The following ZNF341 variants were observed in gnomAD, a reference collection of about 807,000 sequenced individuals.
ZNF341 encodes zinc finger protein 341.
A neutral mutation model predicts 87.7 loss-of-function variants in ZNF341; 52 were observed. That is an observed-to-expected ratio of 0.59 (90% CI 0.47 to 0.75). The LOEUF (loss-of-function observed/expected upper bound fraction) is 0.75, where lower values mean the gene tolerates loss of function less well. Ranked by LOEUF, ZNF341 falls within the 30% of genes least tolerant of loss-of-function variation. The pLI, the probability that ZNF341 is intolerant of heterozygous loss-of-function variation, is 0.00. For missense variants in ZNF341, 977 were observed against 1,145.9 expected, an observed-to-expected ratio of 0.85 and a Z score of 2.13; for synonymous variants, 459 against 472.7, an observed-to-expected ratio of 0.97 and a Z score of 0.38.
intron 1 of ZNF341, 70 bp from the exon 2 acceptor site, chr20:33,740,832 G>A (rs1198464833): frequency 1.4e-6 from 2 of 1,454,538 alleles, no homozygotes; most frequent in Non-Finnish European, 1.9e-6. Context: ...GCCTGGGTCT[G>A]GCTTGTAAGG....
rs149546456 is a variant in ZNF341, at chr20:33,768,579, C to T, written c.1414-1505C>T. Among the ~76,000 whole-genome samples the T allele has an allele frequency of 2.3e-3, 344 of 151,942 alleles. 3 individuals are homozygous for T. Among genetic ancestry groups the T allele is most frequent in the African/African-American group, 7.6e-3 (314 of 41,392 alleles). On this transcript the variant is annotated intron_variant, in intron 9 of 14. Transcript: ENST00000375200. ...CTGGGATTACGTGCATGCACCACTA[C>T]ACCTGGCTAATTTTTGTGCTTTTAG...
chr20:33,735,259 G>A (rs2018655324), intron 1 of ZNF341, among the ~76,000 whole-genome samples: 1 of 152,160 alleles, frequency 6.6e-6, no homozygotes, highest in South Asian at 2.1e-4. Flanking sequence ...TCGAACTCTT[G>A]ACCTCAAGTG....
chr20:33,746,377 G>A (rs1165104923), intron 3 of ZNF341, among the ~76,000 whole-genome samples: 1 of 151,316 alleles, frequency 6.6e-6, no homozygotes, highest in African/African-American at 2.4e-5. Context: ...GGGACTACAG[G>A]CGCGCACCAC....
rs1472560006 is a variant in ZNF341 at position 33,756,036 on chromosome 20, A to C, written c.742-1112A>C. On this transcript the variant is annotated intron_variant, in intron 5 of 14. Transcript: ENST00000375200. ...TCAGGAGTTTGAGTCCAGCTTGGGC[A>C]ACATGGTGAAATCTTGTCTCTACAA... Among the ~76,000 whole-genome samples, 6 of 152,086 alleles carry C rather than the reference A, an allele frequency of 3.9e-5. No individual in the cohort carries two copies. In the East Asian group the frequency reaches 1.2e-3, roughly 30 times the overall value.
chr20:33,755,045 C>T (rs756684160), intron 5 of ZNF341, among the ~76,000 whole-genome samples: 12 of 152,082 alleles, frequency 7.9e-5, no homozygotes, highest in African/African-American at 1.2e-4. Context: ...CAGGTTCAAG[C>T]GATTCTCGTG....
At chr20:33,765,445 G>A (rs1200401853) in intron 8 of ZNF341, among the ~76,000 whole-genome samples, 3 of 146,536 alleles carry the variant, frequency 2.0e-5, no homozygotes, top group African/African-American at 7.6e-5. Flanking sequence ...ATGGCATGAT[G>A]GTGGCTCCCT....
At chr20:33,757,394 C>A in intron 6 of ZNF341, 51 bp downstream of exon 6, 2 of 1,388,058 alleles carry the variant, frequency 1.4e-6, no homozygotes, top group Non-Finnish European at 1.9e-6. Flanking sequence ...GGCCAATCCA[C>A]AAGCTACTTG....
chr20:33,764,489 A>G (rs1008700592), intron 8 of ZNF341, among the ~76,000 whole-genome samples: 1 of 140,608 alleles, frequency 7.1e-6, no homozygotes, highest in Non-Finnish European at 1.5e-5. Flanking sequence ...GTATGTGTGT[A>G]TATATATATG....
rs74474685 is a variant in ZNF341, at chr20:33,756,222, A to T, written c.742-926A>T. Among the ~76,000 whole-genome samples the T allele has an allele frequency of 1.7e-4, 26 of 152,110 alleles. No homozygotes were observed. In the East Asian group the frequency reaches 2.5e-3, roughly 15 times the overall value. On this transcript the variant is annotated intron_variant, in intron 5 of 14. Transcript: ENST00000375200. The stretch of plus-strand genomic sequence containing the variant: ...TGGACAATAGAGCAAGAAAAATCTG[A>T]ATGCCTCAGAATTCATTTGGTAATT...
chr20:33,755,965 G>A (rs2019168322), intron 5 of ZNF341, among the ~76,000 whole-genome samples: 1 of 152,030 alleles, frequency 6.6e-6, no homozygotes, highest in South Asian at 2.1e-4. Flanking sequence ...GCTCACGCCT[G>A]TAATCCCTGC....
chr20:33,741,767 A>AT (rs2018807782), intron 2 of ZNF341, among the ~76,000 whole-genome samples: 4 of 152,182 alleles, frequency 2.6e-5, no homozygotes. Context: ...TTCCACAAAC[A>AT]TTTTTGTGTA....
chr20:33,732,058 C>A lies in ZNF341; in HGVS notation c.31+6C>A. The stretch of plus-strand genomic sequence containing the variant: ...GATCTTTGAGGCCCTGGAGGGTGAG[C>A]GGCGGCGGGGCCGGCGGAGGCGGCT... On this transcript the variant is annotated splice_donor_region_variant and intron_variant, in intron 1 of 14. Coordinates refer to ENST00000375200, the MANE Select transcript of ZNF341 (RefSeq NM_001282933.2). The surrounding 1 kb of genome is among the most constrained non-coding windows in gnomAD (Gnocchi z 4.5). The A allele has an allele frequency of 2.3e-6, 3 of 1,283,238 alleles. No individual in the cohort carries two copies. Among genetic ancestry groups the A allele is most frequent in the Non-Finnish European group, 3.0e-6 (3 of 1,009,468 alleles). 79.5% of individuals were successfully genotyped at this position (1,283,238 alleles called of 1,614,324 possible). A position where few individuals can be genotyped will look rare whatever the true frequency, so the allele number is the denominator to read the frequency against.
chr20:33,745,582 G>A (rs1458508747), intron 3 of ZNF341, among the ~76,000 whole-genome samples: 1 of 151,988 alleles, frequency 6.6e-6, no homozygotes, highest in Non-Finnish European at 1.5e-5. Flanking sequence ...GCAGGTAAAA[G>A]GTTTTGTATG....
chr20:33,770,338 G>GGGGGGGGGGC, intron 10 of ZNF341, 46 bp downstream of exon 10: 1 of 491,752 alleles, frequency 2.0e-6, no homozygotes, highest in South Asian at 1.5e-5. Context: ...GGGTGGGTGG[G>GGGGGGGGGGC]CAGGGAGCCC....
chr20:33,745,929 C>CTTTT (rs1301920142), intron 3 of ZNF341, among the ~76,000 whole-genome samples: 2 of 132,778 alleles, frequency 1.5e-5, no homozygotes, highest in African/African-American at 2.8e-5. Flanking sequence ...GGGTCTGGGC[C>CTTTT]TTTTTTTTTT....
intron 13 of ZNF341, 40 bp downstream of exon 13, chr20:33,789,014 C>A: frequency 6.6e-7 from 1 of 1,507,450 alleles, no homozygotes; most frequent in Non-Finnish European, 9.2e-7. Flanking sequence ...GGTAGCGGGA[C>A]AGATTCTCCA....
chr20:33,745,063 T>C (rs1341772960), intron 2 of ZNF341, 40 bp from the exon 3 acceptor site: 2 of 1,572,544 alleles, frequency 1.3e-6, no homozygotes, highest in Non-Finnish European at 1.7e-6. Context: ...TTTACCTTCA[T>C]CTGTGGCCTC....
rs1432387005 is a variant in ZNF341, at chr20:33,745,299, G to T, written c.339G>T (p.Gln113His). The change falls in exon 3 of 15, where the codon CAG becomes CAT. Residue 113 changes from glutamine (Q) to histidine (H), a missense_variant and splice_region_variant. Gln to His is a conservative substitution (Grantham distance 24). Coordinates refer to ENST00000375200, the MANE Select transcript of ZNF341 (RefSeq NM_001282933.2). The stretch of plus-strand genomic sequence containing the variant: ...AGGCCCCAACTCCTGCCAATCGCCA[G>T]GTATTTGTTCATTTATTCATTCAAC... ...VQQAPTPANRQISTYITVPPS... is the reference protein window; with the variant it reads ...VQQAPTPANRHISTYITVPPS... 6.2e-7 allele frequency: 1 copy of T among 1,611,278 alleles called. No individual in the cohort carries two copies. The highest frequency in any genetic ancestry group is 1.3e-5 in the African/African-American group (1 of 74,992).
At chr20:33,737,138 C>T (rs1342585953) in intron 1 of ZNF341, among the ~76,000 whole-genome samples, 3 of 152,082 alleles carry the variant, frequency 2.0e-5, no homozygotes, top group Admixed American at 2.0e-4. Context: ...TGTAACCATC[C>T]AATGGGTTCA....
Sources: gnomAD v4.1 joint callset for allele counts (sites outside exome capture counted in the v4.1 genomes callset) on GRCh38, gnomAD v4.1.1 for gene constraint, Gnocchi (gnomAD v3.1) non-coding constraint, MANE v1.5 for transcripts, NCBI Gene and HGNC (gene_info 2026-07-23, HGNC 2026-07-21) for gene names.